AKAIN1: variants seen among roughly 807,000 people sequenced by gnomAD.
AKAIN1 encodes the protein A-kinase anchor inhibitor 1, also known as A-kinase anchor protein inhibitor 1.
In AKAIN1, 3 loss-of-function variants were observed where a neutral mutation model predicts 3.7. The observed-to-expected ratio is 0.82, with a 90% CI of 0.37 to 2.12. The LOEUF (loss-of-function observed/expected upper bound fraction) is 2.12, where lower values mean the gene tolerates loss of function less well. Ranked by LOEUF, AKAIN1 falls within the 30% of genes most tolerant of loss-of-function variation. The probability of loss-of-function intolerance (pLI) is 0.06; values close to 1 mark genes in which losing one functional copy is unlikely to be tolerated. For missense variants in AKAIN1, 82 were observed against 82.7 expected (o/e 0.99, Z 0.03); for synonymous variants, 31 against 30.8 (o/e 1.01, Z -0.02).
intron 1 of AKAIN1, among the ~76,000 whole-genome samples, chr18:5,173,870 G>A (rs562419873): frequency 1.8e-4 from 27 of 152,150 alleles, no homozygotes; most frequent in Non-Finnish European, 2.1e-4. Flanking sequence ...ATTAGAGACC[G>A]AGAAATGGAA....
In AKAIN1 at chr18:5,145,769, T is replaced by A; in HGVS notation, c.17-14A>T. 2 of 1,542,598 alleles carry A rather than the reference T, an allele frequency of 1.3e-6. No homozygotes were observed. Among genetic ancestry groups the A allele is most frequent in the Admixed American group, 2.0e-5 (1 of 50,644 alleles). On this transcript the variant is annotated splice_polypyrimidine_tract_variant and intron_variant, in intron 1 of 1. Coordinates refer to ENST00000434239, the MANE Select transcript of AKAIN1 (RefSeq NM_001145194.2). ...CAGGTTTCTCACCTAGCCAAAAACA[T>A]GAAAAGGAGGGGAAAAGGAGAGAAA... is the stretch of plus-strand genomic sequence containing the variant.
intron 1 of AKAIN1, among the ~76,000 whole-genome samples, chr18:5,173,803 G>A (rs1035826686): frequency 1.3e-5 from 2 of 152,094 alleles, no homozygotes; most frequent in Admixed American, 6.5e-5. Flanking sequence ...TGCTATGGAA[G>A]TGCTTGTCTC....
intron 1 of AKAIN1, among the ~76,000 whole-genome samples, chr18:5,182,077 C>G (rs1032487415): frequency 6.6e-6 from 1 of 152,116 alleles, no homozygotes; most frequent in African/African-American, 2.4e-5. Context: ...TTCAAGCATG[C>G]AGCTGCTAGC....
chr18:5,197,516 A>AAAAAAAAAAAAAAAAT, upstream of AKAIN1: 1 of 1,211,932 alleles, frequency 8.3e-7, no homozygotes, highest in Non-Finnish European at 1.0e-6. This position sits in a 1 kb window ranked among gnomAD's most constrained non-coding sequence, Gnocchi z 6.9. Context: ...AAAAAAAAAA[A>AAAAAAAAAAAAAAAAT]CTCTAAGAGC....
intron 1 of AKAIN1, among the ~76,000 whole-genome samples, chr18:5,155,772 A>G (rs1181902412): frequency 6.6e-6 from 1 of 152,160 alleles, no homozygotes; most frequent in Non-Finnish European, 1.5e-5. Flanking sequence ...CACAGTACCA[A>G]GGTCCTAATA....
chr18:5,190,967 A>C (rs1181619221), intron 1 of AKAIN1, among the ~76,000 whole-genome samples: 1 of 152,190 alleles, frequency 6.6e-6, no homozygotes, highest in Non-Finnish European at 1.5e-5. Flanking sequence ...AACATTTGAA[A>C]ATATTCAACA....
chr18:5,148,418 T>G (rs1202414895), intron 1 of AKAIN1, among the ~76,000 whole-genome samples: 2 of 152,216 alleles, frequency 1.3e-5, no homozygotes, highest in Non-Finnish European at 2.9e-5. Flanking sequence ...GGGCAAGCAA[T>G]TTCTTTTTAA....
At chr18:5,193,787 A>G (rs1486609804) in intron 1 of AKAIN1, among the ~76,000 whole-genome samples, 1 of 152,084 alleles carries the variant, frequency 6.6e-6, no homozygotes, top group East Asian at 1.9e-4. Context: ...GAAGTACAGA[A>G]CTCCTCCCAG....
At chr18:5,159,245 T>C (rs2071125680) in intron 1 of AKAIN1, 1 of 152,050 alleles carries the variant, frequency 6.6e-6, no homozygotes, top group South Asian at 2.1e-4. Context: ...ACTTTAGAAG[T>C]ATTTGTTAGA....
intron 1 of AKAIN1, among the ~76,000 whole-genome samples, chr18:5,158,566 C>T (rs2071121226): frequency 6.6e-6 from 1 of 152,186 alleles, no homozygotes; most frequent in Admixed American, 6.5e-5. Context: ...GTCAGTTCTC[C>T]ACTCCCTCCA....
chr18:5,147,301 A>G (rs78649454), intron 1 of AKAIN1, among the ~76,000 whole-genome samples: 93 of 152,314 alleles, frequency 6.1e-4, no homozygotes, highest in Non-Finnish European at 1.2e-3. Context: ...GAAAAAAGTA[A>G]TATACCTTGT....
chr18:5,173,561 C>G (rs1234273999), intron 1 of AKAIN1, among the ~76,000 whole-genome samples: 3 of 152,120 alleles, frequency 2.0e-5, no homozygotes, highest in Admixed American at 6.6e-5. Flanking sequence ...TGGTTCTGTG[C>G]CTAAACTCAT....
At chr18:5,173,140 G>A (rs1432979539) in intron 1 of AKAIN1, among the ~76,000 whole-genome samples, 1 of 152,106 alleles carries the variant, frequency 6.6e-6, no homozygotes, top group Admixed American at 6.6e-5. Context: ...CTTCTCAGGA[G>A]ATAACTTGCT....
intron 1 of AKAIN1, among the ~76,000 whole-genome samples, chr18:5,182,268 C>T (rs1226994203): frequency 6.6e-6 from 1 of 152,030 alleles, no homozygotes; most frequent in African/African-American, 2.4e-5. Context: ...CTCTTTAGCT[C>T]CTAACTGATG....
chr18:5,154,294 TATGAAAATACTGTC>T (rs1214212045), intron 1 of AKAIN1, among the ~76,000 whole-genome samples: 1 of 152,156 alleles, frequency 6.6e-6, no homozygotes, highest in Non-Finnish European at 1.5e-5. Flanking sequence ...AGAGAATGCT[TATGAAAATACTGTC>T]TTGGAAATCC....
At chr18:5,187,105 C>G (rs1345602781) in intron 1 of AKAIN1, among the ~76,000 whole-genome samples, 2 of 151,328 alleles carry the variant, frequency 1.3e-5, no homozygotes, top group African/African-American at 4.9e-5. Flanking sequence ...CTAATATAAA[C>G]AATATAAGTT....
chr18:5,155,546 C>T (rs1391387603), intron 1 of AKAIN1, among the ~76,000 whole-genome samples: 1 of 152,204 alleles, frequency 6.6e-6, no homozygotes, highest in Non-Finnish European at 1.5e-5. Context: ...AGAATGGCTG[C>T]CCTGCAGGCT....
chr18:5,184,755 T>C (rs1238543331), intron 1 of AKAIN1, among the ~76,000 whole-genome samples: 2 of 152,096 alleles, frequency 1.3e-5, no homozygotes, highest in African/African-American at 4.8e-5. Flanking sequence ...ATTGTTAAAA[T>C]GGCCATATTG....
chr18:5,187,349 C>T (rs1228416158), intron 1 of AKAIN1, among the ~76,000 whole-genome samples: 1 of 152,164 alleles, frequency 6.6e-6, no homozygotes, highest in South Asian at 2.1e-4. Context: ...AGGGAAATGT[C>T]TTTGTCCATT....
Sources: allele counts gnomAD v4.1 joint callset (sites outside exome capture counted in the v4.1 genomes callset), GRCh38; gene constraint gnomAD v4.1.1; non-coding constraint Gnocchi (gnomAD v3.1); transcripts MANE v1.5; gene names NCBI Gene and HGNC (gene_info 2026-07-23, HGNC 2026-07-21).